Variants in GAS7 observed in about 807,000 individuals in gnomAD.
GAS7 encodes growth arrest-specific protein 7.
In GAS7, 28 loss-of-function variants were observed where a neutral mutation model predicts 71.1. That is an observed-to-expected ratio of 0.39 (90% confidence interval 0.29 to 0.54). The LOEUF is 0.54. Among genes scored for constraint, GAS7 ranks in the 20% least tolerant of loss-of-function variants. GAS7 has a pLI of 0.62. For synonymous variants in GAS7, 258 were observed against 245.8 expected, an observed-to-expected ratio of 1.05 and a Z score of -0.46; for missense variants, 436 against 627.8, an observed-to-expected ratio of 0.69 and a Z score of 3.27.
intron 1 of GAS7, among the ~76,000 whole-genome samples, chr17:10,025,070 C>A (rs566041516): frequency 6.6e-6 from 1 of 152,200 alleles, no homozygotes; most frequent in South Asian, 2.1e-4. Context: ...TAATAACTTG[C>A]CCAGTGTGGC....
Position 9,959,018 on chromosome 17 carries a change from CAGG to C in GAS7, c.525+181_525+183del, listed in dbSNP as rs2069365072. 7.1e-7 allele frequency: 1 copy of C among 1,405,378 alleles called. No individual in the cohort carries two copies. Among genetic ancestry groups the C allele is most frequent in the South Asian group, 1.5e-5 (1 of 65,672 alleles). The allele number at this position is 1,405,378 out of a possible 1,614,324, so 87.1% of individuals were successfully genotyped here. ...GGAGAGAAGTGAAATGTGAAATTGA[CAGG>C]AGAAGGGGAGGTGGGAGGGGCATGT... On this transcript the variant is annotated intron_variant, in intron 5 of 13. Coordinates refer to ENST00000432992, the MANE Select transcript of GAS7 (RefSeq NM_201433.2). The surrounding 1 kb of genome is among the most constrained non-coding windows in gnomAD (Gnocchi z 5.0).
At chr17:10,074,240 C>T (rs1235021418) in intron 1 of GAS7, among the ~76,000 whole-genome samples, 1 of 152,192 alleles carries the variant, frequency 6.6e-6, no homozygotes, top group Non-Finnish European at 1.5e-5. Flanking sequence ...GCTTTTCTTG[C>T]TCCCTCCCAT....
At position 9,981,751 on chromosome 17, in the gene GAS7, G is replaced by T; in HGVS notation, c.385+53C>A. Reference sequence around the variant, plus strand: ...GACCCATCATCTCAGCCTCTCCACTGAATGTGGCATCAGGGCCCTCCCAGT... The same window carrying T: ...GACCCATCATCTCAGCCTCTCCACTTAATGTGGCATCAGGGCCCTCCCAGT... On this transcript the variant is annotated intron_variant, in intron 3 of 13. Coordinates refer to ENST00000432992, the MANE Select transcript of GAS7 (RefSeq NM_201433.2). The surrounding 1 kb of genome is among the most constrained non-coding windows in gnomAD (Gnocchi z 4.4). The T allele has an allele frequency of 1.0e-6, 1 of 983,820 alleles. No homozygotes were observed. Among genetic ancestry groups the T allele is most frequent in the Non-Finnish European group, 1.6e-6 (1 of 606,566 alleles). 60.9% of individuals were successfully genotyped at this position (983,820 alleles called of 1,614,324 possible).
chr17:10,144,010 G>A (rs1274960324), intron 1 of GAS7, among the ~76,000 whole-genome samples: 1 of 152,244 alleles, frequency 6.6e-6, no homozygotes, highest in Non-Finnish European at 1.5e-5. Context: ...TTGGCAGGAA[G>A]AGCTAAGAAT....
chr17:10,005,251 G>A (rs868825390), intron 2 of GAS7, among the ~76,000 whole-genome samples: 15 of 150,542 alleles, frequency 1.0e-4, no homozygotes, highest in African/African-American at 3.0e-4. Context: ...GCATGCATGT[G>A]TGTGCACACA....
intron 1 of GAS7, among the ~76,000 whole-genome samples, chr17:10,148,453 A>C (rs866119602): frequency 3.5e-5 from 4 of 112,964 alleles, no homozygotes; most frequent in South Asian, 2.8e-4. Context: ...TACTAAAATT[A>C]CAAAAAAAAA....
At chr17:9,994,214 C>T (rs1186335982) in intron 2 of GAS7, among the ~76,000 whole-genome samples, 1 of 151,124 alleles carries the variant, frequency 6.6e-6, no homozygotes, top group Non-Finnish European at 1.5e-5. Context: ...AAAGAGCCCA[C>T]ATCGCCAAGT....
At chr17:10,162,827 A>G (rs950632408) in intron 1 of GAS7, among the ~76,000 whole-genome samples, 4 of 152,180 alleles carry the variant, frequency 2.6e-5, no homozygotes, top group Admixed American at 2.6e-4. Flanking sequence ...CAATGGAGTT[A>G]CCAGGGGCTG....
At chr17:10,044,915 A>G (rs527861841) in intron 1 of GAS7, among the ~76,000 whole-genome samples, 22 of 152,116 alleles carry the variant, frequency 1.4e-4, no homozygotes, top group African/African-American at 4.3e-4. Context: ...TTAGCTGGGC[A>G]TGGTGGTGGG....
chr17:10,150,591 C>CTTTTT lies in GAS7; in HGVS notation c.183+47612_183+47616dup, dbSNP rs3051271. On this transcript the variant is annotated intron_variant, in intron 1 of 13. Transcript: ENST00000432992. ...ACTCAGTAATGAGGCTGTTACATTT[C>CTTTTT]TTTTTTTTTTTTTTTTAGACAGGGT... 1.2e-4 allele frequency among the ~76,000 whole-genome samples: 14 copies of CTTTTT among 118,952 alleles called. 1 individual carries two copies. Among genetic ancestry groups the CTTTTT allele is most frequent in the East Asian group, 2.4e-4 (1 of 4,134 alleles). 78.0% of individuals were successfully genotyped at this position (118,952 alleles called of 152,430 possible).
intron 9 of GAS7, among the ~76,000 whole-genome samples, chr17:9,932,381 G>C (rs1037032363): frequency 6.6e-6 from 1 of 152,112 alleles, no homozygotes; most frequent in Non-Finnish European, 1.5e-5. Flanking sequence ...TTTTAGTAGA[G>C]ATGGGGTTTC....
At chr17:10,114,730 ACACT>A (rs1299306647) in intron 1 of GAS7, among the ~76,000 whole-genome samples, 4 of 130,994 alleles carry the variant, frequency 3.1e-5, no homozygotes, top group Non-Finnish European at 6.7e-5. Flanking sequence ...ACACACACAC[ACACT>A]GTGTTGTGTG....
At chr17:10,161,923 C>T (rs899919840) in intron 1 of GAS7, among the ~76,000 whole-genome samples, 1 of 152,066 alleles carries the variant, frequency 6.6e-6, no homozygotes, top group Non-Finnish European at 1.5e-5. Context: ...AAAAATTAGC[C>T]AGGCGTGGTG....
Position 9,910,843 on chromosome 17 carries a change from G to C in GAS7, c.*6385C>G. 4.4e-6 allele frequency: 1 copy of C among 228,926 alleles called. No individual in the cohort carries two copies. The highest frequency in any genetic ancestry group is 2.2e-5 in the African/African-American group (1 of 45,164). 14.2% of individuals were successfully genotyped at this position (228,926 alleles called of 1,614,324 possible). A position where few individuals can be genotyped will look rare whatever the true frequency, so the allele number is the denominator to read the frequency against. On this transcript the variant is annotated 3_prime_UTR_variant, in exon 14 of 14. Coordinates refer to ENST00000432992, the MANE Select transcript of GAS7 (RefSeq NM_201433.2). ...TTTTATTTACTGATCTAGGCAGCCAGAGGGTGGAAGGATATACAATGTGGA... is the reference window on the plus strand; with the variant it reads ...TTTTATTTACTGATCTAGGCAGCCACAGGGTGGAAGGATATACAATGTGGA...
intron 3 of GAS7, among the ~76,000 whole-genome samples, chr17:9,977,139 A>G (rs1464265404): frequency 6.6e-6 from 1 of 152,252 alleles, no homozygotes; most frequent in East Asian, 1.9e-4. Flanking sequence ...CAGAAGGCAC[A>G]GGAAGTTACT....
intron 1 of GAS7, among the ~76,000 whole-genome samples, chr17:10,146,654 T>A (rs188745201): frequency 1.9e-3 from 293 of 152,240 alleles, no homozygotes; most frequent in Non-Finnish European, 3.6e-3. Flanking sequence ...ACCACCTCAG[T>A]ATGAAACAGG....
intron 5 of GAS7, among the ~76,000 whole-genome samples, chr17:9,956,304 G>GC (rs1469725151): frequency 1.3e-5 from 2 of 152,144 alleles, no homozygotes; most frequent in East Asian, 3.9e-4. Context: ...GAACAAGCCA[G>GC]CCCCGGAGCT....
intron 2 of GAS7, among the ~76,000 whole-genome samples, chr17:10,016,290 C>G (rs1054520186): frequency 1.4e-5 from 2 of 147,026 alleles, no homozygotes; most frequent in Non-Finnish European, 3.0e-5. Context: ...GAGGCTGAGG[C>G]AGGAGAATGG....
chr17:10,081,830 C>T (rs1230834419), intron 1 of GAS7, among the ~76,000 whole-genome samples: 1 of 152,166 alleles, frequency 6.6e-6, no homozygotes, highest in Admixed American at 6.5e-5. Context: ...ATTTGCAAAA[C>T]CTCTCAGAAA....
Sources: gnomAD v4.1 joint callset for allele counts (sites outside exome capture counted in the v4.1 genomes callset) on GRCh38, gnomAD v4.1.1 for gene constraint, Gnocchi (gnomAD v3.1) non-coding constraint, MANE v1.5 for transcripts, NCBI Gene and HGNC (gene_info 2026-07-23, HGNC 2026-07-21) for gene names.